CACNA1A: variants seen among roughly 807,000 people sequenced by gnomAD.
The protein encoded by CACNA1A is calcium voltage-gated channel subunit alpha1 A.
Under a neutral mutation model 262.4 loss-of-function variants are expected in CACNA1A, and 57 were observed. The observed-to-expected ratio is 0.22, with a 90% CI of 0.18 to 0.27. The LOEUF (loss-of-function observed/expected upper bound fraction) is 0.27, where lower values mean the gene tolerates loss of function less well. Ranked by LOEUF, CACNA1A falls within the 10% of genes least tolerant of loss-of-function variation. The pLI is 1.00. For synonymous variants in CACNA1A, 1,431 were observed against 1,419.3 expected, an observed-to-expected ratio of 1.01 and a Z score of -0.18; for missense variants, 2,526 against 3,562.8, an observed-to-expected ratio of 0.71 and a Z score of 7.41.
intron 1 of CACNA1A, among the ~76,000 whole-genome samples, chr19:13,456,185 A>C (rs925126098): frequency 2.6e-5 from 4 of 151,960 alleles, no homozygotes; most frequent in African/African-American, 9.7e-5. Flanking sequence ...TAAGTAAATA[A>C]ATAAATAAAA....
chr19:13,290,182 G>A (rs1371594377), intron 19 of CACNA1A, among the ~76,000 whole-genome samples: 1 of 150,824 alleles, frequency 6.6e-6, no homozygotes, highest in Non-Finnish European at 1.5e-5. Context: ...GAGATCCATT[G>A]GCCTTGGCCT....
intron 3 of CACNA1A, among the ~76,000 whole-genome samples, chr19:13,419,217 T>G (rs977818044): frequency 6.6e-5 from 10 of 152,240 alleles, no homozygotes; most frequent in African/African-American, 2.4e-4. Context: ...TACAACTGCC[T>G]ACAGTATTCA....
chr19:13,464,085 G>T (rs563909425), intron 1 of CACNA1A, among the ~76,000 whole-genome samples: 3 of 152,316 alleles, frequency 2.0e-5, no homozygotes, highest in African/African-American at 7.2e-5. Flanking sequence ...TGGTTCCCAT[G>T]ATGACTAGAA....
rs553130388 is a variant in CACNA1A at position 13,493,794 on chromosome 19, A to C, written c.293+12138T>G. On this transcript the variant is annotated intron_variant, in intron 1 of 46. Transcript: ENST00000360228. ...ATAATGGCAAAACAAACAGCCAGAG[A>C]TTGTTACATGAATATAATACACGTA... Among the ~76,000 whole-genome samples the C allele has an allele frequency of 2.0e-5, 3 of 152,350 alleles. No homozygotes were observed. The East Asian group carries it at 5.8e-4, about 29-fold the overall frequency.
intron 26 of CACNA1A, chr19:13,259,965 C>G: frequency 2.5e-6 from 1 of 403,782 alleles, no homozygotes; most frequent in Non-Finnish European, 4.6e-6. Flanking sequence ...GCACCCTCTT[C>G]CAACGTGATA....
intron 19 of CACNA1A, among the ~76,000 whole-genome samples, chr19:13,293,390 T>C (rs1314602987): frequency 6.8e-6 from 1 of 147,190 alleles, no homozygotes; most frequent in Non-Finnish European, 1.5e-5. Context: ...GCTCTTGGTA[T>C]AAGCCAGGAA....
At chr19:13,379,776 T>C (rs2059483270) in intron 3 of CACNA1A, among the ~76,000 whole-genome samples, 1 of 135,698 alleles carries the variant, frequency 7.4e-6, no homozygotes, top group Non-Finnish European at 1.6e-5. Flanking sequence ...ATACAAAAAT[T>C]AGCTGGGCGT....
chr19:13,496,051 T>A (rs957858628), intron 1 of CACNA1A, among the ~76,000 whole-genome samples: 1 of 136,016 alleles, frequency 7.4e-6, no homozygotes, highest in African/African-American at 3.1e-5. Context: ...CAACCATCCA[T>A]CCATCCATCC....
At chr19:13,260,030 G>A (rs2056687751) in intron 26 of CACNA1A, 1 of 238,810 alleles carries the variant, frequency 4.2e-6, no homozygotes, top group Non-Finnish European at 8.4e-6. Flanking sequence ...GGTGGAGGGA[G>A]TTTAGGAGGA....
At position 13,431,128 on chromosome 19, in the gene CACNA1A, G is replaced by A. The variant is rs114202490; in HGVS notation, c.539+21748C>T. Among the ~76,000 whole-genome samples the A allele has an allele frequency of 3.9e-3, 589 of 152,052 alleles. 2 individuals are homozygous for A. Among genetic ancestry groups the A allele is most frequent in the African/African-American group, 0.013 (551 of 41,444 alleles). On this transcript the variant is annotated intron_variant, in intron 3 of 46. Transcript: ENST00000360228. ...AATTTGGGCTTTTTCTCCAAGTGAGGTTGTGAGCAAAGAGGAGCCAGGTCC... is the reference window on the plus strand; with the variant it reads ...AATTTGGGCTTTTTCTCCAAGTGAGATTGTGAGCAAAGAGGAGCCAGGTCC...
chr19:13,272,829 T>C (rs1345424596), intron 24 of CACNA1A: 4 of 152,104 alleles, frequency 2.6e-5, no homozygotes, highest in African/African-American at 4.8e-5. Flanking sequence ...GAAGGATTCA[T>C]TCCAGGCTGA....
chr19:13,280,071 A>G (rs2057253187), intron 22 of CACNA1A, among the ~76,000 whole-genome samples: 1 of 152,212 alleles, frequency 6.6e-6, no homozygotes, highest in Admixed American at 6.5e-5. Context: ...GGCCTCCCAA[A>G]GGGTCACTGT....
At position 13,358,305 on chromosome 19, in the gene CACNA1A, C is replaced by T. The variant is rs751720204; in HGVS notation, c.978+1301G>A. On this transcript the variant is annotated intron_variant, in intron 6 of 46. Coordinates refer to ENST00000360228, the MANE Select transcript of CACNA1A (RefSeq NM_001127222.2). ...AGAAGGCCAGGCGTGGTGGCTCACGCCTGTAATCCCAGCACTTTGGGAGGC... is the reference window on the plus strand; with the variant it reads ...AGAAGGCCAGGCGTGGTGGCTCACGTCTGTAATCCCAGCACTTTGGGAGGC... 9.0e-4 allele frequency among the ~76,000 whole-genome samples: 137 copies of T among 152,288 alleles called. 1 individual carries two copies. The highest frequency in any genetic ancestry group is 1.8e-3 in the Non-Finnish European group (120 of 68,028).
intron 10 of CACNA1A, among the ~76,000 whole-genome samples, chr19:13,322,202 G>GAA (rs368879293): frequency 0.054 from 4,899 of 89,946 alleles, 144 homozygotes; most frequent in South Asian, 0.069. Context: ...ACTTGTCTCA[G>GAA]AAAAAAAAAA....
rs9677000 is a variant in CACNA1A, at chr19:13,312,330, G to A, written c.1668+339C>T. On this transcript the variant is annotated intron_variant, in intron 12 of 46. Transcript: ENST00000360228. Reference sequence around the variant, plus strand: ...GAAAAGAAGAAATAGAAATCATATTGATGTCCTGTTTGTAATCCTGAAGTT... The same window carrying A: ...GAAAAGAAGAAATAGAAATCATATTAATGTCCTGTTTGTAATCCTGAAGTT... Among the ~76,000 whole-genome samples the A allele has an allele frequency of 0.039, 5,997 of 152,186 alleles. 376 individuals carry two copies. Among genetic ancestry groups the A allele is most frequent in the African/African-American group, 0.14 (5,682 of 41,490 alleles).
rs1300449792 is a variant in CACNA1A at position 13,207,452 on chromosome 19, G to A, written c.7382C>T (p.Ala2461Val). ...SPRTPRASGP[A>V]CASPSRHGRR... ...GCCGTGCCGAGAAGGCGAGGCGCAG[G>A]CCGGGCCCGAGGCCCGGGGAGTCCT... is the stretch of plus-strand genomic sequence containing the variant. The change falls in exon 47 of 47, where the codon GCC (alanine) becomes GTC (valine). Residue 2461 changes from alanine to valine, a missense_variant. Ala to Val is a moderately conservative substitution (Grantham distance 64). This residue lies in a region of CACNA1A where 929 missense variants were observed against 868.1 expected (regional missense o/e 1.07). Transcript: ENST00000360228. This position sits in a 1 kb window ranked among gnomAD's most constrained non-coding sequence, Gnocchi z 5.7. The A allele has an allele frequency of 2.7e-6, 4 of 1,504,014 alleles. No homozygotes were observed. The highest frequency in any genetic ancestry group is 1.2e-5 in the South Asian group (1 of 82,666). 93.2% of individuals were successfully genotyped at this position (1,504,014 alleles called of 1,614,324 possible).
At chr19:13,240,611 T>C (rs4926145) in intron 31 of CACNA1A, among the ~76,000 whole-genome samples, 139,830 of 150,926 alleles carry the variant, frequency 0.93, 64,836 homozygotes, top group African/African-American at 0.98. Context: ...TGCGCAGTGA[T>C]TGTGTGTGTG....
At chr19:13,314,160 A>C (rs990140038) in intron 11 of CACNA1A, among the ~76,000 whole-genome samples, 4 of 152,136 alleles carry the variant, frequency 2.6e-5, no homozygotes, top group African/African-American at 9.7e-5. Flanking sequence ...GAAGATGAGG[A>C]GTTAGGAAGG....
At chr19:13,283,536 T>C in intron 21 of CACNA1A, 140 bp from the exon 22 acceptor site, 1 of 1,103,058 alleles carries the variant, frequency 9.1e-7, no homozygotes. Context: ...ATTAAACTCC[T>C]CCAGGTGGGG....
Sources: allele counts gnomAD v4.1 joint callset (sites outside exome capture counted in the v4.1 genomes callset), GRCh38; gene constraint gnomAD v4.1.1; regional missense constraint gnomAD v4.1.1; non-coding constraint Gnocchi (gnomAD v3.1); transcripts MANE v1.5; gene names NCBI Gene and HGNC (gene_info 2026-07-23, HGNC 2026-07-21).